ACTMAP: variants seen among roughly 807,000 people sequenced by gnomAD.
The protein encoded by ACTMAP is actin maturation protease.
chr19:40,745,192 T>C, the ACTMAP span: 2 of 1,551,540 alleles, frequency 1.3e-6, no homozygotes, highest in South Asian at 2.4e-5. Context: ...GCAGGTCACC[T>C]CGGAACCTGA....
the ACTMAP span, among the ~76,000 whole-genome samples, chr19:40,745,918 C>A: frequency 6.6e-6 from 1 of 152,214 alleles, no homozygotes; most frequent in Non-Finnish European, 1.5e-5. Context: ...GTTATCCACC[C>A]ACCTTGGCCT....
chr19:40,741,946 A>G, the ACTMAP span: 119 of 441,516 alleles, frequency 2.7e-4, 2 homozygotes, highest in South Asian at 1.0e-3. Context: ...CTGAGCCCCA[A>G]TGGAAAAGTT....
the ACTMAP span, chr19:40,750,451 G>C: frequency 2.0e-5 from 3 of 152,132 alleles, no homozygotes; most frequent in African/African-American, 7.3e-5. Context: ...AAGGAAAGGA[G>C]TCAGGAAGTA....
At chr19:40,745,129 C>G in the ACTMAP span, 2 of 1,551,910 alleles carry the variant, frequency 1.3e-6, no homozygotes, top group Middle Eastern at 1.7e-4. Flanking sequence ...AGGGCACATA[C>G]TGAGGGCCTT....
At chr19:40,747,538 C>CTAAA in the ACTMAP span, among the ~76,000 whole-genome samples, 7,126 of 151,168 alleles carry the variant, frequency 0.047, 535 homozygotes, top group African/African-American at 0.16. Flanking sequence ...AACTCCATCT[C>CTAAA]TAAATAAATA....
At chr19:40,743,970 T>C in the ACTMAP span, 1 of 1,614,030 alleles carries the variant, frequency 6.2e-7, no homozygotes, top group African/African-American at 1.3e-5. Flanking sequence ...GAAGTCCTCG[T>C]CGTAGCTGGT....
the ACTMAP span, chr19:40,749,564 G>A: frequency 3.4e-5 from 53 of 1,551,384 alleles, no homozygotes; most frequent in Middle Eastern, 1.4e-3. Flanking sequence ...CCTCCTTCAG[G>A]AGCTGGCTCT....
the ACTMAP span, chr19:40,745,219 G>A: frequency 6.4e-7 from 1 of 1,551,600 alleles, no homozygotes; most frequent in Non-Finnish European, 8.7e-7. Context: ...GCCGTGCTCA[G>A]TCACCAGGGA....
At chr19:40,744,862 C>T in the ACTMAP span, 214 of 1,030,306 alleles carry the variant, frequency 2.1e-4, no homozygotes, top group Admixed American at 6.5e-4. Flanking sequence ...GGGTGGAAGG[C>T]GGGGGAGAGG....
At chr19:40,742,550 C>T in the ACTMAP span, 23 of 1,594,942 alleles carry the variant, frequency 1.4e-5, no homozygotes, top group Admixed American at 1.2e-4. Context: ...GCGAGAAGTC[C>T]GTCAGCTGCA....
the ACTMAP span, chr19:40,742,117 C>T: frequency 8.9e-6 from 5 of 563,038 alleles, no homozygotes; most frequent in Non-Finnish European, 1.7e-5. Context: ...AGTTCAGTGT[C>T]CCTGTCCTGT....
At chr19:40,748,163 G>A in the ACTMAP span, among the ~76,000 whole-genome samples, 4 of 152,182 alleles carry the variant, frequency 2.6e-5, no homozygotes, top group East Asian at 7.7e-4. Flanking sequence ...ATTTAGGGAA[G>A]GTTATAAATG....
chr19:40,749,878 G>A, the ACTMAP span: 1 of 1,173,618 alleles, frequency 8.5e-7, no homozygotes, highest in East Asian at 2.9e-5. Context: ...AACGGTCTCA[G>A]GGATGGAGAT....
At chr19:40,742,826 G>A in the ACTMAP span, 4 of 1,508,668 alleles carry the variant, frequency 2.7e-6, no homozygotes, top group Non-Finnish European at 3.6e-6. Flanking sequence ...CCAGGTGCTG[G>A]GGCTCACTAA....
the ACTMAP span, among the ~76,000 whole-genome samples, chr19:40,748,304 A>C: frequency 1.3e-5 from 2 of 152,006 alleles, no homozygotes; most frequent in African/African-American, 4.8e-5. Context: ...CTCTACTAAA[A>C]TTACAAAAAT....
chr19:40,744,882 C>A, the ACTMAP span: 3 of 897,366 alleles, frequency 3.3e-6, no homozygotes, highest in Non-Finnish European at 5.0e-6. Flanking sequence ...GTCACCTGAG[C>A]TTCCTGGGAG....
At chr19:40,749,608 C>A in the ACTMAP span, 1 of 1,550,570 alleles carries the variant, frequency 6.4e-7, no homozygotes. Flanking sequence ...GGAGCAGGCC[C>A]TGTGGCAGCG....
chr19:40,741,136 C>G, the ACTMAP span: 1 of 399,644 alleles, frequency 2.5e-6, no homozygotes, highest in Non-Finnish European at 4.4e-6. Context: ...TTACCCTGAT[C>G]ACTGGTTAGA....
chr19:40,745,237 C>T, the ACTMAP span: 1 of 1,547,870 alleles, frequency 6.5e-7, no homozygotes, highest in Non-Finnish European at 8.7e-7. Flanking sequence ...GGAGCCAGCT[C>T]TGAAGCACCC....
Sources: allele counts gnomAD v4.1 joint callset (sites outside exome capture counted in the v4.1 genomes callset), GRCh38; gene constraint gnomAD v4.1.1; transcripts MANE v1.5; gene names NCBI Gene and HGNC (gene_info 2026-07-23, HGNC 2026-07-21).